MIR2052HG: variants seen among roughly 807,000 people sequenced by gnomAD.
The protein encoded by MIR2052HG is MIR2052 host gene.
chr8:74,745,992 G>A (rs1229098151), intron 4 of MIR2052HG, among the ~76,000 whole-genome samples: 1 of 152,128 alleles, frequency 6.6e-6, no homozygotes, highest in Non-Finnish European at 1.5e-5. Flanking sequence ...GGCTTTACTT[G>A]CTCAAGGTCA....
chr8:74,684,365 T>C (rs1159890976), intron 2 of MIR2052HG, among the ~76,000 whole-genome samples: 1 of 152,110 alleles, frequency 6.6e-6, no homozygotes, highest in Non-Finnish European at 1.5e-5. Context: ...CAAACATATG[T>C]ATGGCCTTTA....
At chr8:74,724,667 A>G (rs535171979) in intron 4 of MIR2052HG, among the ~76,000 whole-genome samples, 88 of 152,208 alleles carry the variant, frequency 5.8e-4, no homozygotes, top group East Asian at 1.5e-3. Context: ...GATACTCCCA[A>G]CCCCCATGCT....
intron 4 of MIR2052HG, among the ~76,000 whole-genome samples, chr8:74,729,391 T>C (rs1809667960): frequency 6.6e-6 from 1 of 152,182 alleles, no homozygotes; most frequent in South Asian, 2.1e-4. Context: ...TTATGTAACA[T>C]TAACAATAAA....
chr8:74,752,390 A>C lies in MIR2052HG; in HGVS notation n.372-51A>C, dbSNP rs1029330438. On this transcript the variant is annotated intron_variant and non_coding_transcript_variant, in intron 4 of 6. Transcript: ENST00000523442. ...AGAATTTGATAATCCTTAGCATTTG[A>C]TCACATTTGGGAGCATTTTTCATTT... The C allele has an allele frequency of 1.2e-4, 54 of 442,044 alleles. 1 individual carries two copies. The highest frequency in any genetic ancestry group is 6.7e-4 in the Middle Eastern group (2 of 2,976). 27.4% of individuals were successfully genotyped at this position (442,044 alleles called of 1,614,324 possible). A position where few individuals can be genotyped will look rare whatever the true frequency, so the allele number is the denominator to read the frequency against.
At chr8:74,649,395 T>C in intron 2 of MIR2052HG, among the ~76,000 whole-genome samples, 1 of 152,210 alleles carries the variant, frequency 6.6e-6, no homozygotes, top group South Asian at 2.1e-4. Flanking sequence ...GAGTTGATCA[T>C]GCAATTTAAA....
intron 4 of MIR2052HG, among the ~76,000 whole-genome samples, chr8:74,704,090 CAT>C (rs1293646682): frequency 6.6e-6 from 1 of 151,890 alleles, no homozygotes; most frequent in Admixed American, 6.6e-5. Flanking sequence ...TAATGGGAAA[CAT>C]ATATCTATAT....
intron 2 of MIR2052HG, among the ~76,000 whole-genome samples, chr8:74,662,129 C>T (rs777696391): frequency 3.3e-5 from 5 of 152,062 alleles, no homozygotes; most frequent in African/African-American, 4.8e-5. Flanking sequence ...GAGAGTATCA[C>T]GGTTTTGAAA....
chr8:74,697,230 A>T (rs1368086527), intron 2 of MIR2052HG, among the ~76,000 whole-genome samples: 1 of 152,180 alleles, frequency 6.6e-6, no homozygotes, highest in Admixed American at 6.5e-5. Flanking sequence ...CAAAAATCAC[A>T]TGAACATCTT....
intron 2 of MIR2052HG, among the ~76,000 whole-genome samples, chr8:74,690,505 C>T (rs899638421): frequency 6.6e-6 from 1 of 151,544 alleles, no homozygotes; most frequent in African/African-American, 2.4e-5. Context: ...ATTAGTCGTG[C>T]GTGGTGGTGG....
intron 2 of MIR2052HG, among the ~76,000 whole-genome samples, chr8:74,617,912 T>C (rs527892980): frequency 7.1e-4 from 108 of 152,326 alleles, no homozygotes; most frequent in Admixed American, 1.1e-3. Context: ...TGGTGTAAGA[T>C]AGTATCTCAT....
At chr8:74,691,471 T>C (rs1809238848) in intron 2 of MIR2052HG, among the ~76,000 whole-genome samples, 1 of 152,158 alleles carries the variant, frequency 6.6e-6, no homozygotes, top group South Asian at 2.1e-4. Flanking sequence ...CTGTTAGTCA[T>C]TGGCAATGGG....
At chr8:74,636,895 T>C (rs1377827406) in intron 2 of MIR2052HG, among the ~76,000 whole-genome samples, 1 of 152,186 alleles carries the variant, frequency 6.6e-6, no homozygotes, top group African/African-American at 2.4e-5. Flanking sequence ...TTCTGAAGTC[T>C]GGGTTGGGAC....
intron 2 of MIR2052HG, among the ~76,000 whole-genome samples, chr8:74,631,347 A>G (rs1808508781): frequency 6.6e-6 from 1 of 152,246 alleles, no homozygotes; most frequent in Non-Finnish European, 1.5e-5. Context: ...TTTCTGGTAT[A>G]GAAGAATAAA....
At chr8:74,694,259 A>T (rs937250577) in intron 2 of MIR2052HG, among the ~76,000 whole-genome samples, 5 of 152,292 alleles carry the variant, frequency 3.3e-5, no homozygotes, top group South Asian at 2.1e-4. Flanking sequence ...GCAGAGAAAT[A>T]ACAATCACTG....
chr8:74,679,173 G>A (rs564976254), intron 2 of MIR2052HG, among the ~76,000 whole-genome samples: 45 of 152,228 alleles, frequency 3.0e-4, no homozygotes, highest in African/African-American at 9.9e-4. Context: ...GATGGTTTCC[G>A]AGATTTTTGT....
intron 2 of MIR2052HG, among the ~76,000 whole-genome samples, chr8:74,660,937 C>CT (rs1198341003): frequency 1.3e-5 from 2 of 151,882 alleles, no homozygotes; most frequent in Non-Finnish European, 2.9e-5. Flanking sequence ...TTGGAATAAA[C>CT]TTTATTTTTC....
chr8:74,686,228 C>G (rs1314713071), intron 2 of MIR2052HG, among the ~76,000 whole-genome samples: 1 of 151,708 alleles, frequency 6.6e-6, no homozygotes, highest in Non-Finnish European at 1.5e-5. Flanking sequence ...CTTGTAGATC[C>G]CTTTAACTTT....
At chr8:74,688,867 C>T (rs1809211203) in intron 2 of MIR2052HG, among the ~76,000 whole-genome samples, 1 of 152,124 alleles carries the variant, frequency 6.6e-6, no homozygotes, top group Non-Finnish European at 1.5e-5. Context: ...TATGCCTTTG[C>T]ATTTTCATAG....
intron 2 of MIR2052HG, among the ~76,000 whole-genome samples, chr8:74,676,744 A>T (rs1809057295): frequency 6.6e-6 from 1 of 151,974 alleles, no homozygotes; most frequent in Non-Finnish European, 1.5e-5. Context: ...ACTACCGTTA[A>T]TAATAATGCA....
Sources: allele counts gnomAD v4.1 joint callset (sites outside exome capture counted in the v4.1 genomes callset), GRCh38; gene constraint gnomAD v4.1.1; transcripts MANE v1.5; gene names NCBI Gene and HGNC (gene_info 2026-07-23, HGNC 2026-07-21).